POLA1: variants seen among roughly 807,000 people sequenced by gnomAD.
POLA1 encodes DNA polymerase alpha 1, catalytic subunit, also known as DNA polymerase alpha catalytic subunit.
In POLA1, 15 loss-of-function variants were observed where a neutral mutation model predicts 124.0. That is an observed-to-expected ratio of 0.12 (90% CI 0.08 to 0.19). The LOEUF is 0.19. Among genes scored for constraint, POLA1 ranks in the 10% least tolerant of loss-of-function variants. The probability of loss-of-function intolerance (pLI) is 1.00; values close to 1 mark genes in which losing one functional copy is unlikely to be tolerated. For missense variants in POLA1, 886 were observed against 1,103.4 expected (o/e 0.80, Z 2.79); for synonymous variants, 408 against 389.4 (o/e 1.05, Z -0.56).
At chrX:24,694,121 C>T (rs1927802624) in intron 1 of POLA1, 117 bp downstream of exon 1, 3 of 736,779 alleles carry the variant, frequency 4.1e-6, no homozygotes, top group Non-Finnish European at 5.8e-6. Context: ...CTTGGTCGTC[C>T]CCGGCGGGGG....
At chrX:24,793,968 T>A (rs1195539388) in intron 26 of POLA1, among the ~76,000 whole-genome samples, 1 of 109,993 alleles carries the variant, frequency 9.1e-6, no homozygotes, top group Non-Finnish European at 1.9e-5. Flanking sequence ...CCCTTTTGTT[T>A]CTTTTTCTTT....
intron 34 of POLA1, among the ~76,000 whole-genome samples, chrX:24,870,234 TTCA>T (rs1337676724): frequency 8.9e-6 from 1 of 111,862 alleles, no homozygotes; most frequent in African/African-American, 3.3e-5. Context: ...GTAGAGAGTC[TTCA>T]TCATTTCATA....
intron 26 of POLA1, among the ~76,000 whole-genome samples, chrX:24,786,635 A>G (rs2045366593): frequency 2.8e-5 from 3 of 106,612 alleles, no homozygotes; most frequent in East Asian, 2.9e-4. Flanking sequence ...CAGCTTCCCA[A>G]GTAGCTAGGA....
At chrX:24,940,572 A>G (rs1332523076) in intron 36 of POLA1, among the ~76,000 whole-genome samples, 1 of 111,685 alleles carries the variant, frequency 9.0e-6, no homozygotes, top group Non-Finnish European at 1.9e-5. Context: ...TTACAACATG[A>G]CCTAAATCAA....
At chrX:24,914,528 CA>C (rs10715174) in intron 35 of POLA1, among the ~76,000 whole-genome samples, 10,148 of 83,646 alleles carry the variant, frequency 0.12, 1,291 homozygotes, top group African/African-American at 0.37. Context: ...CCCACCCCCG[CA>C]AAAAAAAAAA....
intron 34 of POLA1, among the ~76,000 whole-genome samples, chrX:24,845,879 C>T (rs916921669): frequency 8.9e-6 from 1 of 111,964 alleles, no homozygotes; most frequent in Non-Finnish European, 1.9e-5. Context: ...CTTAGAAGCA[C>T]TGCAGGAGAA....
chrX:24,929,412 C>T (rs2047740794), intron 35 of POLA1, among the ~76,000 whole-genome samples: 1 of 112,132 alleles, frequency 8.9e-6, no homozygotes, highest in Non-Finnish European at 1.9e-5. Context: ...GGTTAAATTA[C>T]ATGTCATTCC....
chrX:24,878,024 G>A (rs1319353265), intron 34 of POLA1, among the ~76,000 whole-genome samples: 1 of 109,406 alleles, frequency 9.1e-6, no homozygotes, highest in Admixed American at 9.8e-5. Flanking sequence ...CAAGTTTGTG[G>A]GTTTACATTC....
At chrX:24,903,528 C>T (rs1053555000) in intron 35 of POLA1, among the ~76,000 whole-genome samples, 3 of 111,795 alleles carry the variant, frequency 2.7e-5, no homozygotes, top group African/African-American at 9.8e-5. Context: ...GGGAACTAAG[C>T]GCAGACCTTT....
intron 26 of POLA1, among the ~76,000 whole-genome samples, chrX:24,767,843 G>GAGTT (rs751274521): frequency 1.8e-5 from 2 of 112,177 alleles, no homozygotes; most frequent in South Asian, 7.4e-4. Context: ...ATCCTCAATT[G>GAGTT]AGTTAGATCT....
intron 34 of POLA1, among the ~76,000 whole-genome samples, chrX:24,879,822 T>C (rs1361205599): frequency 2.7e-5 from 3 of 111,918 alleles, no homozygotes; most frequent in South Asian, 3.8e-4. Flanking sequence ...TATAAAGTCT[T>C]TTAAGTATAT....
intron 35 of POLA1, among the ~76,000 whole-genome samples, chrX:24,908,994 A>T (rs1238115749): frequency 8.9e-6 from 1 of 112,208 alleles, no homozygotes; most frequent in Non-Finnish European, 1.9e-5. Flanking sequence ...AGTGATGATG[A>T]GCATTTTTTC....
intron 34 of POLA1, among the ~76,000 whole-genome samples, chrX:24,865,337 T>G (rs776957242): frequency 2.7e-5 from 3 of 112,180 alleles, no homozygotes; most frequent in Non-Finnish European, 3.8e-5. Context: ...CTTTGTATTC[T>G]CACCAAAGGC....
At chrX:24,805,249 G>A (rs919747426) in intron 26 of POLA1, among the ~76,000 whole-genome samples, 20 of 110,581 alleles carry the variant, frequency 1.8e-4, no homozygotes, top group Non-Finnish European at 3.8e-4. Context: ...AGTCATTTTT[G>A]TTCTAGTTAT....
chrX:24,963,197 T>A (rs1039851837), intron 36 of POLA1, among the ~76,000 whole-genome samples: 3 of 111,917 alleles, frequency 2.7e-5, no homozygotes, highest in African/African-American at 9.7e-5. Flanking sequence ...GTTCTAAAGA[T>A]TATATACAAA....
At chrX:24,894,773 CTTTTCTTTTCTTTTCTTTT>C (rs1371316349) in intron 35 of POLA1, among the ~76,000 whole-genome samples, 1 of 105,702 alleles carries the variant, frequency 9.5e-6, no homozygotes, top group Admixed American at 1.0e-4. Flanking sequence ...TATTTTCTTT[CTTTTCTTTTCTTTTCTTTT>C]TTTTTTTTTT....
intron 30 of POLA1, among the ~76,000 whole-genome samples, chrX:24,819,616 C>T (rs1180311215): frequency 5.4e-5 from 6 of 111,586 alleles, no homozygotes; most frequent in Non-Finnish European, 1.1e-4. Context: ...GACTTGTACT[C>T]AAGGGTTGAG....
intron 9 of POLA1, 27 bp downstream of exon 9, chrX:24,717,518 C>T: frequency 8.4e-7 from 1 of 1,197,487 alleles, no homozygotes; most frequent in African/African-American, 1.7e-5. Context: ...ACTTTTCTGG[C>T]AAATAGGACC....
intron 26 of POLA1, among the ~76,000 whole-genome samples, chrX:24,767,211 C>T (rs1932925283): frequency 8.9e-6 from 1 of 112,272 alleles, no homozygotes; most frequent in East Asian, 2.8e-4. Context: ...AATTGAATCA[C>T]TGTAATTATA....
Sources: gnomAD v4.1 joint callset for allele counts (sites outside exome capture counted in the v4.1 genomes callset) on GRCh38, gnomAD v4.1.1 for gene constraint, MANE v1.5 for transcripts, NCBI Gene and HGNC (gene_info 2026-07-23, HGNC 2026-07-21) for gene names.